The following ZNF227 variants were observed in gnomAD, a reference collection of about 807,000 sequenced individuals.
ZNF227 encodes zinc finger protein 227.
Under a neutral mutation model 13.2 loss-of-function variants are expected in ZNF227, and 12 were observed. That is an observed-to-expected ratio of 0.91 (90% confidence interval 0.58 to 1.47). The LOEUF (loss-of-function observed/expected upper bound fraction) is 1.47. Among genes scored for constraint, ZNF227 ranks in the 40% most tolerant of loss-of-function variants. The pLI is 0.00. For synonymous variants in ZNF227, 338 were observed against 326.0 expected (o/e 1.04, Z -0.40); for missense variants, 885 against 967.5 (o/e 0.91, Z 1.13).
chr19:44,208,053 C>A (rs1216727655), upstream of ZNF227, among the ~76,000 whole-genome samples: 1 of 152,142 alleles, frequency 6.6e-6, no homozygotes, highest in Non-Finnish European at 1.5e-5. Context: ...TAGACCTCTC[C>A]ACACAATGTA....
At chr19:44,215,976 G>A (rs967282618) in intron 2 of ZNF227, among the ~76,000 whole-genome samples, 5 of 105,808 alleles carry the variant, frequency 4.7e-5, no homozygotes, top group African/African-American at 7.9e-5. Flanking sequence ...TGACAAGAGC[G>A]AAACTCTCTC....
rs370097394 is a variant in ZNF227, at chr19:44,220,954, A to G, written c.60+3102A>G. On this transcript the variant is annotated intron_variant, in intron 3 of 5. Transcript: ENST00000313040. ...ATAGTACTGAGAATGATGATTTCCAATTTCATCCATGTCCCTACAAAGGAC... is the reference window on the plus strand; with the variant it reads ...ATAGTACTGAGAATGATGATTTCCAGTTTCATCCATGTCCCTACAAAGGAC... Among the ~76,000 whole-genome samples, 83 of 152,088 alleles carry G rather than the reference A, an allele frequency of 5.5e-4. 1 individual carries two copies. Among genetic ancestry groups the G allele is most frequent in the African/African-American group, 1.8e-3 (76 of 41,496 alleles).
chr19:44,235,195 T>C lies in ZNF227; in HGVS notation c.765T>C (p.Cys255=). 1 of 1,614,130 alleles carries C rather than the reference T, an allele frequency of 6.2e-7. No individual in the cohort carries two copies. The highest frequency in any genetic ancestry group is 8.5e-7 in the Non-Finnish European group (1 of 1,180,024). ...AGAAACCCCATCCATGTGGTGAGTG[T>C]GGAAGGGGCTTCAGTTATAGCCCAA... ...LGEKPHPCGE[C]GRGFSYSPRL... Residue 255 remains cysteine, a synonymous_variant, in exon 6 of 6, where the codon TGT becomes TGC. Coordinates refer to ENST00000313040, the MANE Select transcript of ZNF227 (RefSeq NM_182490.3).
Position 44,236,485 on chromosome 19 carries a change from A to G in ZNF227, c.2055A>G (p.Glu685=). ...FIYHQRGHTG[E]KPYKCEECGK... ...ACCATCAGAGAGGCCACACTGGAGA[A>G]AAACCTTACAAATGTGAAGAGTGTG... is the stretch of plus-strand genomic sequence containing the variant. Residue 685 remains glutamate, a synonymous_variant, in exon 6 of 6, where the codon GAA becomes GAG. Coordinates refer to ENST00000313040, the MANE Select transcript of ZNF227 (RefSeq NM_182490.3). 6.2e-7 allele frequency: 1 copy of G among 1,614,060 alleles called. No homozygotes were observed. Among genetic ancestry groups the G allele is most frequent in the South Asian group, 1.1e-5 (1 of 91,080 alleles).
chr19:44,225,958 C>T (rs2122803701), intron 3 of ZNF227, among the ~76,000 whole-genome samples: 1 of 152,270 alleles, frequency 6.6e-6, no homozygotes, highest in Middle Eastern at 3.4e-3. Context: ...GATGTCCTTT[C>T]TGTTTGTTAG....
At chr19:44,227,494 C>A (rs558563631) in intron 3 of ZNF227, among the ~76,000 whole-genome samples, 1 of 152,006 alleles carries the variant, frequency 6.6e-6, no homozygotes, top group African/African-American at 2.4e-5. Flanking sequence ...GTGATTTGCC[C>A]GCCTCGGCCT....
In ZNF227 at chr19:44,236,971, C is replaced by A; in HGVS notation, c.*141C>A. On this transcript the variant is annotated 3_prime_UTR_variant, in exon 6 of 6. Transcript: ENST00000313040. ...CTTGGAATCTTTCTAACAAATCCAT[C>A]AAGATGATAACACAGAACCATGAAC... The A allele has an allele frequency of 1.5e-6, 1 of 665,962 alleles. No homozygotes were observed. The highest frequency in any genetic ancestry group is 2.5e-6 in the Non-Finnish European group (1 of 403,166). 41.3% of individuals were successfully genotyped at this position (665,962 alleles called of 1,614,324 possible).
chr19:44,234,667 C>T (rs1974215313), intron 5 of ZNF227, 35 bp from the exon 6 acceptor site: 2 of 1,520,594 alleles, frequency 1.3e-6, no homozygotes, highest in South Asian at 2.6e-5. Flanking sequence ...TTACTGCCCT[C>T]ATCTCTAAAT....
In ZNF227 at chr19:44,235,072, T is replaced by C; in HGVS notation, c.642T>C (p.His214=). The C allele has an allele frequency of 6.2e-7, 1 of 1,613,914 alleles. No homozygotes were observed. The highest frequency in any genetic ancestry group is 8.5e-7 in the Non-Finnish European group (1 of 1,179,948). The change falls in exon 6 of 6, where the codon CAT becomes CAC. Residue 214 remains histidine, a synonymous_variant. Coordinates refer to ENST00000313040, the MANE Select transcript of ZNF227 (RefSeq NM_182490.3). ...ACTTCATGAAGAAATCACCATTTCA[T>C]GAGCATATTAAAACTGACACAGAAC... ...HEDFMKKSPF[H]EHIKTDTEPK...
rs545260007 is a variant in ZNF227 at position 44,236,895 on chromosome 19, C to T, written c.*65C>T. The T allele has an allele frequency of 4.4e-6, 6 of 1,375,004 alleles. No homozygotes were observed. Among genetic ancestry groups the T allele is most frequent in the African/African-American group, 2.9e-5 (2 of 68,826 alleles). 85.2% of individuals were successfully genotyped at this position (1,375,004 alleles called of 1,614,324 possible). A position where few individuals can be genotyped will look rare whatever the true frequency, so the allele number is the denominator to read the frequency against. On this transcript the variant is annotated 3_prime_UTR_variant, in exon 6 of 6. Transcript: ENST00000313040. The stretch of plus-strand genomic sequence containing the variant: ...TCTTCAAGTTTTTGGCTAGTCCATG[C>T]TGGTGGTAAACCCTGTAAAACTACT...
rs146989592 is a variant in ZNF227 at position 44,218,935 on chromosome 19, C to T, written c.60+1083C>T. On this transcript the variant is annotated intron_variant, in intron 3 of 5. Coordinates refer to ENST00000313040, the MANE Select transcript of ZNF227 (RefSeq NM_182490.3). ...AGAGTTTAATTCTTGTCACCCAGGC[C>T]GGAGTGCAATGGCATGTTCTTAGCT... Among the ~76,000 whole-genome samples the T allele has an allele frequency of 4.6e-3, 700 of 152,258 alleles. 1 individual carries two copies. The Middle Eastern group carries it at 0.065, about 14-fold the overall frequency.
intron 2 of ZNF227, among the ~76,000 whole-genome samples, chr19:44,216,958 G>GTTTTTTTTT (rs35474532): frequency 1.1e-5 from 1 of 91,646 alleles, no homozygotes; most frequent in Non-Finnish European, 2.1e-5. Flanking sequence ...TCATCTGCTT[G>GTTTTTTTTT]TTTTTTTTTT....
At position 44,237,071 on chromosome 19, in the gene ZNF227, C is replaced by T. The variant is rs1974586217; in HGVS notation, c.*241C>T. 2 of 412,838 alleles carry T rather than the reference C, an allele frequency of 4.8e-6. No homozygotes were observed. The highest frequency in any genetic ancestry group is 8.6e-6 in the Non-Finnish European group (2 of 232,736). 25.6% of individuals were successfully genotyped at this position (412,838 alleles called of 1,614,324 possible). On this transcript the variant is annotated 3_prime_UTR_variant, in exon 6 of 6. Transcript: ENST00000313040. ...GTAAGATCTAGTTAATATAAATGATCACCTTTCATTGTGAATATATGCCTG... is the reference window on the plus strand; with the variant it reads ...GTAAGATCTAGTTAATATAAATGATTACCTTTCATTGTGAATATATGCCTG...
At chr19:44,223,468 C>G (rs1972767879) in intron 3 of ZNF227, among the ~76,000 whole-genome samples, 1 of 152,166 alleles carries the variant, frequency 6.6e-6, no homozygotes, top group African/African-American at 2.4e-5. Flanking sequence ...TTCAGAGATT[C>G]AACTTCTTCC....
chr19:44,221,252 T>C (rs1406127211), intron 3 of ZNF227, among the ~76,000 whole-genome samples: 3 of 152,124 alleles, frequency 2.0e-5, no homozygotes, highest in Admixed American at 6.5e-5. Flanking sequence ...AGCAGCATGA[T>C]TTATAGTCCT....
upstream of ZNF227, among the ~76,000 whole-genome samples, chr19:44,208,433 G>A (rs1044514559): frequency 1.3e-5 from 2 of 152,190 alleles, no homozygotes; most frequent in African/African-American, 2.4e-5. Context: ...GGGACAGTGG[G>A]TTGTTATTTT....
Position 44,234,953 on chromosome 19 carries a change from C to T in ZNF227, c.523C>T (p.Gln175Ter). The change falls in exon 6 of 6, where the codon CAG (glutamine) becomes TAG (stop). Residue 175 changes from glutamine to a stop codon, truncating the protein, a stop_gained. Coordinates refer to ENST00000313040, the MANE Select transcript of ZNF227 (RefSeq NM_182490.3). LOFTEE classifies it low-confidence loss of function (END_TRUNC). ...ENQEFPFWRT[Q>*]HSCGNTYLSE... ...TCAAGAGTTTCCATTTTGGAGAACCCAGCATTCTTGCGGGAATACATATCT... is the reference window on the plus strand; with the variant it reads ...TCAAGAGTTTCCATTTTGGAGAACCTAGCATTCTTGCGGGAATACATATCT... 1.2e-6 allele frequency: 2 copies of T among 1,613,928 alleles called. No homozygotes were observed. The highest frequency in any genetic ancestry group is 1.7e-6 in the Non-Finnish European group (2 of 1,179,982).
At chr19:44,216,794 GTT>G (rs1971923889) in intron 2 of ZNF227, among the ~76,000 whole-genome samples, 1 of 151,958 alleles carries the variant, frequency 6.6e-6, no homozygotes, top group Admixed American at 6.6e-5. Flanking sequence ...AGAATGATAC[GTT>G]TTAGAAAACT....
At chr19:44,225,475 C>A (rs992787562) in intron 3 of ZNF227, among the ~76,000 whole-genome samples, 5 of 152,110 alleles carry the variant, frequency 3.3e-5, no homozygotes, top group Non-Finnish European at 7.3e-5. Flanking sequence ...TCTTTTTATT[C>A]TTTTTTCTCT....
Sources: allele counts gnomAD v4.1 joint callset (sites outside exome capture counted in the v4.1 genomes callset), GRCh38; gene constraint gnomAD v4.1.1; transcripts MANE v1.5; gene names NCBI Gene and HGNC (gene_info 2026-07-23, HGNC 2026-07-21).